BRK1: variants seen among roughly 807,000 people sequenced by gnomAD.
BRK1 encodes protein BRICK1.
Under a neutral mutation model 9.9 loss-of-function variants are expected in BRK1, and 6 were observed. The ratio of observed to expected loss-of-function variants is 0.60; its 90% CI spans 0.33 to 1.19. The LOEUF (loss-of-function observed/expected upper bound fraction) is 1.19, where lower values mean the gene tolerates loss of function less well. BRK1 is among the 50% of genes most tolerant of loss of function. The probability of loss-of-function intolerance (pLI) is 0.04; values close to 1 mark genes in which losing one functional copy is unlikely to be tolerated. For synonymous variants in BRK1, 44 were observed against 31.9 expected (o/e 1.38, Z -1.28); for missense variants, 62 against 97.5 (o/e 0.64, Z 1.53).
At chr3:10,119,811 A>G (rs1170121096) in intron 1 of BRK1, among the ~76,000 whole-genome samples, 1 of 152,182 alleles carries the variant, frequency 6.6e-6, no homozygotes, top group Non-Finnish European at 1.5e-5. Context: ...TCTAAAGGTA[A>G]TATATGCAGA....
At chr3:10,122,437 G>C (rs535065034) in intron 1 of BRK1, among the ~76,000 whole-genome samples, 5 of 152,256 alleles carry the variant, frequency 3.3e-5, no homozygotes, top group African/African-American at 1.2e-4. Context: ...CTGGCACGGT[G>C]CCTCACGCCT....
intron 1 of BRK1, among the ~76,000 whole-genome samples, chr3:10,123,250 T>G (rs903510073): frequency 2.6e-5 from 4 of 152,196 alleles, no homozygotes; most frequent in Non-Finnish European, 5.9e-5. Flanking sequence ...GGAAGAAGAA[T>G]AATTTTGGCT....
chr3:10,121,976 G>A (rs963501802), intron 1 of BRK1, among the ~76,000 whole-genome samples: 2 of 144,900 alleles, frequency 1.4e-5, no homozygotes, highest in African/African-American at 5.1e-5. Context: ...TGCAACCTCC[G>A]CCTCCTGGGT....
intron 1 of BRK1, among the ~76,000 whole-genome samples, chr3:10,121,266 A>G (rs941670160): frequency 6.6e-6 from 1 of 152,178 alleles, no homozygotes; most frequent in Non-Finnish European, 1.5e-5. Context: ...TAATTATTGC[A>G]CAACTCTGTA....
At chr3:10,120,199 CTT>C (rs546079992) in intron 1 of BRK1, among the ~76,000 whole-genome samples, 1 of 143,670 alleles carries the variant, frequency 7.0e-6, no homozygotes. Context: ...CTGGCTAATT[CTT>C]TTTTTTTTTT....
At chr3:10,115,945 T>C in intron 1 of BRK1, 126 bp downstream of exon 1, 1 of 729,758 alleles carries the variant, frequency 1.4e-6, no homozygotes, top group South Asian at 1.7e-5. Flanking sequence ...CACTTCCTCC[T>C]TCAGGTCCCA....
intron 1 of BRK1, among the ~76,000 whole-genome samples, chr3:10,123,188 A>C (rs1318949352): frequency 1.3e-5 from 2 of 152,228 alleles, no homozygotes; most frequent in Non-Finnish European, 2.9e-5. Context: ...GTTTTAAATT[A>C]AATCTGGTTT....
chr3:10,122,661 C>G (rs78652450), intron 1 of BRK1, among the ~76,000 whole-genome samples: 4,776 of 152,022 alleles, frequency 0.031, 88 homozygotes, highest in Non-Finnish European at 0.048. Context: ...TTGGAGGGTG[C>G]AGTAAGCTAT....
In BRK1 at chr3:10,117,393, C is replaced by CTTTT. The variant is rs756307171; in HGVS notation, c.118+1591_118+1594dup. On this transcript the variant is annotated intron_variant, in intron 1 of 2. Coordinates refer to ENST00000530758, the MANE Select transcript of BRK1 (RefSeq NM_018462.5). ...CTTTATTTGGGCTTTTCAACAAATT[C>CTTTT]TTTTTTTTTTTTTTTTTTTTGAGAC... Among the ~76,000 whole-genome samples, 52 of 118,648 alleles carry CTTTT rather than the reference C, an allele frequency of 4.4e-4. 1 individual carries two copies. Among genetic ancestry groups the CTTTT allele is most frequent in the African/African-American group, 1.4e-3 (44 of 30,780 alleles). The allele number at this position is 118,648 out of a possible 152,430, so 77.8% of individuals were successfully genotyped here.
At position 10,126,600 on chromosome 3, in the gene BRK1, G is replaced by A. The variant is rs1379877925; in HGVS notation, c.*305G>A. 3.0e-6 allele frequency: 1 copy of A among 330,492 alleles called. No homozygotes were observed. The highest frequency in any genetic ancestry group is 2.2e-5 in the African/African-American group (1 of 46,420). The allele number at this position is 330,492 out of a possible 1,614,324, so 20.5% of individuals were successfully genotyped here. A position where few individuals can be genotyped will look rare whatever the true frequency, so the allele number is the denominator to read the frequency against. On this transcript the variant is annotated 3_prime_UTR_variant, in exon 3 of 3. Coordinates refer to ENST00000530758, the MANE Select transcript of BRK1 (RefSeq NM_018462.5). ...CAAAAGCCTGGGACTCTTTGTGAAG[G>A]TCCTCCTCACCTCTATCTTTCTTTC...
chr3:10,123,731 C>T (rs1188919399), intron 1 of BRK1, among the ~76,000 whole-genome samples: 2 of 52,490 alleles, frequency 3.8e-5, no homozygotes, highest in Admixed American at 2.2e-4. Context: ...CCGTGCCTGG[C>T]CTTTTTTTTT....
intron 1 of BRK1, among the ~76,000 whole-genome samples, chr3:10,124,738 G>A (rs901857172): frequency 1.5e-4 from 23 of 152,026 alleles, no homozygotes; most frequent in Non-Finnish European, 2.8e-4. Context: ...TGGGTTGTTG[G>A]CAGAATTCAG....
chr3:10,119,933 T>C (rs962697139), intron 1 of BRK1, among the ~76,000 whole-genome samples: 4 of 152,162 alleles, frequency 2.6e-5, no homozygotes, highest in African/African-American at 9.7e-5. Flanking sequence ...GAGAAAGGAA[T>C]AAATATGAAT....
chr3:10,120,570 G>A (rs1019401098), intron 1 of BRK1, among the ~76,000 whole-genome samples: 1 of 152,190 alleles, frequency 6.6e-6, no homozygotes, highest in Non-Finnish European at 1.5e-5. Flanking sequence ...AACAGCATTT[G>A]TTTCCTAACG....
Position 10,126,273 on chromosome 3 carries a change from CA to C in BRK1, c.210del (p.Gly71ValfsTer37). 2.6e-6 allele frequency: 4 copies of C among 1,547,872 alleles called. No individual in the cohort carries two copies. Among genetic ancestry groups the C allele is most frequent in the Admixed American group, 4.4e-5 (2 of 45,612 alleles). ...AGTTTTCCTTTCCTTTCACAGGTGA[CA>C]AAAGGTGAGACACTCACCTAGAACA... Reference protein sequence around the residue: ...RRIEYIEARVTKGETLT With the variant: ...RRIEYIEARVXKGETLT On this transcript the variant is annotated frameshift_variant, in exon 3 of 3. Transcript: ENST00000530758. LOFTEE classifies it high-confidence loss of function.
chr3:10,123,950 G>A (rs989170617), intron 1 of BRK1, among the ~76,000 whole-genome samples: 1 of 150,674 alleles, frequency 6.6e-6, no homozygotes, highest in Non-Finnish European at 1.5e-5. Flanking sequence ...AGCCAGGCTG[G>A]TCTCAAACTT....
chr3:10,116,958 C>A (rs1695694266), intron 1 of BRK1, among the ~76,000 whole-genome samples: 1 of 152,144 alleles, frequency 6.6e-6, no homozygotes, highest in Non-Finnish European at 1.5e-5. Context: ...GGACTATAAT[C>A]GTGGCTGAGT....
chr3:10,126,456 G>T lies in BRK1; in HGVS notation c.*161G>T. The T allele has an allele frequency of 1.7e-6, 1 of 596,606 alleles. No homozygotes were observed. The highest frequency in any genetic ancestry group is 1.9e-5 in the African/African-American group (1 of 52,902). 37.0% of individuals were successfully genotyped at this position (596,606 alleles called of 1,614,324 possible). On this transcript the variant is annotated 3_prime_UTR_variant, in exon 3 of 3. Coordinates refer to ENST00000530758, the MANE Select transcript of BRK1 (RefSeq NM_018462.5). ...GTGGCCTTTGGGCTCTGCCATCTGG[G>T]GTGTGGTGTGGTATGTGGGAAGAAG...
intron 1 of BRK1, among the ~76,000 whole-genome samples, chr3:10,118,252 C>CAAAAAAAA (rs59622736): frequency 8.9e-5 from 6 of 67,462 alleles, no homozygotes; most frequent in Admixed American, 1.7e-4. Flanking sequence ...ACTCTGTCTC[C>CAAAAAAAA]AAAAAAAAAA....
Sources: gnomAD v4.1 joint callset for allele counts (sites outside exome capture counted in the v4.1 genomes callset) on GRCh38, gnomAD v4.1.1 for gene constraint, MANE v1.5 for transcripts, NCBI Gene and HGNC (gene_info 2026-07-23, HGNC 2026-07-21) for gene names.